Variants in BMPER observed in about 807,000 individuals in gnomAD.
The protein encoded by BMPER is BMP binding endothelial regulator.
In BMPER, 45 loss-of-function variants were observed where a neutral mutation model predicts 87.3. That is an observed-to-expected ratio of 0.52 (90% CI 0.41 to 0.66). The LOEUF is 0.66. BMPER is among the 30% of genes least tolerant of loss of function. BMPER has a pLI of 0.00. For synonymous variants in BMPER, 326 were observed against 316.2 expected (o/e 1.03, Z -0.33); for missense variants, 784 against 867.5 (o/e 0.90, Z 1.21).
intron 6 of BMPER, among the ~76,000 whole-genome samples, chr7:34,010,231 T>C (rs1281593206): frequency 6.6e-6 from 1 of 151,916 alleles, no homozygotes; most frequent in African/African-American, 2.4e-5. Flanking sequence ...AAGTCTTTTC[T>C]GGTCACCCTA....
chr7:34,153,287 C>T lies in BMPER; in HGVS notation c.*14C>T, dbSNP rs1201074977. The T allele has an allele frequency of 6.2e-7, 1 of 1,613,548 alleles. No homozygotes were observed. Reference sequence around the variant, plus strand: ...CCCCAGCGGTGACCTTTGTTTCGATCCTTAAGACTCTGAAATCTGGTGACT... The same window carrying T: ...CCCCAGCGGTGACCTTTGTTTCGATTCTTAAGACTCTGAAATCTGGTGACT... On this transcript the variant is annotated 3_prime_UTR_variant, in exon 15 of 15. Coordinates refer to ENST00000649409, the MANE Select transcript of BMPER (RefSeq NM_001365308.1).
chr7:33,908,971 A>G (rs1177412850), intron 2 of BMPER, among the ~76,000 whole-genome samples: 2 of 152,228 alleles, frequency 1.3e-5, no homozygotes, highest in Admixed American at 1.3e-4. Flanking sequence ...ACTGCAGTTC[A>G]TGGATTTCAA....
At chr7:34,050,964 T>C (rs1268281929) in intron 7 of BMPER, among the ~76,000 whole-genome samples, 1 of 152,212 alleles carries the variant, frequency 6.6e-6, no homozygotes, top group Admixed American at 6.5e-5. Context: ...AAATGCTATC[T>C]TAGTCTGTTT....
chr7:34,051,918 A>G lies in BMPER; in HGVS notation c.734A>G (p.Tyr245Cys). The G allele has an allele frequency of 6.2e-7, 1 of 1,614,040 alleles. No homozygotes were observed. Among genetic ancestry groups the G allele is most frequent in the Non-Finnish European group, 8.5e-7 (1 of 1,179,896 alleles). Reference sequence around the variant, plus strand: ...AGCTGCCTCTTTCGAAGTGATGTTTATGACAATGGATCCTCATTTCTGTAC... The same window carrying G: ...AGCTGCCTCTTTCGAAGTGATGTTTGTGACAATGGATCCTCATTTCTGTAC... The part of the protein sequence containing the change: ...FGSCLFRSDV[Y>C]DNGSSFLYDN... Residue 245 changes from tyrosine (Y) to cysteine (C), a missense_variant, in exon 8 of 15, where the codon TAT becomes TGT. By Grantham distance (194) the Tyr-to-Cys change is radical. Coordinates refer to ENST00000649409, the MANE Select transcript of BMPER (RefSeq NM_001365308.1).
intron 11 of BMPER, among the ~76,000 whole-genome samples, chr7:34,063,040 A>G (rs1788482028): frequency 6.6e-6 from 1 of 152,198 alleles, no homozygotes; most frequent in Admixed American, 6.5e-5. Flanking sequence ...GCCTAGATCT[A>G]TTAGCAAACT....
chr7:34,069,266 C>T (rs748865747), intron 11 of BMPER, among the ~76,000 whole-genome samples: 2 of 152,110 alleles, frequency 1.3e-5, no homozygotes, highest in Non-Finnish European at 2.9e-5. Flanking sequence ...TTAAAAAATA[C>T]ACTTGGTGGG....
At chr7:34,086,454 G>A (rs768133757) in intron 13 of BMPER, among the ~76,000 whole-genome samples, 1 of 152,190 alleles carries the variant, frequency 6.6e-6, no homozygotes, top group Non-Finnish European at 1.5e-5. Flanking sequence ...GGCAGAGCTG[G>A]TTCCCCTAAA....
intron 3 of BMPER, among the ~76,000 whole-genome samples, chr7:33,946,920 G>A (rs763424170): frequency 6.6e-6 from 1 of 152,186 alleles, no homozygotes; most frequent in Non-Finnish European, 1.5e-5. Flanking sequence ...CCACGGGCCA[G>A]GTATTTATAG....
chr7:34,068,771 T>G (rs1788661013), intron 11 of BMPER, among the ~76,000 whole-genome samples: 3 of 152,210 alleles, frequency 2.0e-5, no homozygotes, highest in Non-Finnish European at 4.4e-5. Flanking sequence ...TTGCCCTGCC[T>G]TTGGAGCTCA....
intron 2 of BMPER, among the ~76,000 whole-genome samples, chr7:33,933,345 A>T (rs556444497): frequency 1.3e-5 from 2 of 152,230 alleles, no homozygotes; most frequent in African/African-American, 4.8e-5. Context: ...CTTTGACAGC[A>T]GGTAGACCAC....
intron 2 of BMPER, among the ~76,000 whole-genome samples, chr7:33,927,158 T>C (rs1479315095): frequency 1.3e-5 from 2 of 152,274 alleles, no homozygotes; most frequent in Admixed American, 1.3e-4. Flanking sequence ...ATCCCATGGA[T>C]GTCAGCTCCA....
chr7:34,019,960 T>A (rs1787136387), intron 6 of BMPER, among the ~76,000 whole-genome samples: 4 of 151,384 alleles, frequency 2.6e-5, no homozygotes. Flanking sequence ...TTTTTTTTTT[T>A]TTTTTTTCCC....
intron 2 of BMPER, among the ~76,000 whole-genome samples, chr7:33,914,844 C>T (rs182436729): frequency 2.6e-5 from 4 of 152,190 alleles, no homozygotes; most frequent in East Asian, 1.9e-4. Flanking sequence ...AGGCAGAAGA[C>T]GTTTGAAGAA....
chr7:34,155,340 A>T lies in BMPER; in HGVS notation c.*2067A>T, dbSNP rs879563289. 1.9e-4 allele frequency: 29 copies of T among 152,260 alleles called. No homozygotes were observed. The highest frequency in any genetic ancestry group is 3.4e-3 in the Middle Eastern group (1 of 294). The allele number at this position is 152,260 out of a possible 1,614,324, so 9.4% of individuals were successfully genotyped here. A position where few individuals can be genotyped will look rare whatever the true frequency, so the allele number is the denominator to read the frequency against. ...GCATAAGGGAAATGATGGAGAAGGG[A>T]GAATTGTGGATGGTTATTTATAGCT... On this transcript the variant is annotated 3_prime_UTR_variant, in exon 15 of 15. Coordinates refer to ENST00000649409, the MANE Select transcript of BMPER (RefSeq NM_001365308.1).
At chr7:34,075,708 T>C (rs1788847043) in intron 11 of BMPER, among the ~76,000 whole-genome samples, 1 of 152,198 alleles carries the variant, frequency 6.6e-6, no homozygotes, top group South Asian at 2.1e-4. Context: ...TCTGGACGTG[T>C]TGGACTGAAG....
intron 6 of BMPER, among the ~76,000 whole-genome samples, chr7:33,994,319 G>C (rs967408411): frequency 6.6e-6 from 1 of 152,198 alleles, no homozygotes; most frequent in African/African-American, 2.4e-5. Context: ...ATATAATCTC[G>C]TGATGCGCTG....
At chr7:34,069,116 G>A (rs1028864396) in intron 11 of BMPER, among the ~76,000 whole-genome samples, 1 of 152,202 alleles carries the variant, frequency 6.6e-6, no homozygotes, top group Non-Finnish European at 1.5e-5. Context: ...AGCCAAGGCT[G>A]CCATGTTGAA....
rs182796247 is a variant in BMPER, at chr7:34,097,501, A to G, written c.1745+11409A>G. ...AGGACTCTTCATTTGCTCATCATTC[A>G]TTTATTTCTCAAGTAGTTTGTTATA... On this transcript the variant is annotated intron_variant, in intron 13 of 14. Coordinates refer to ENST00000649409, the MANE Select transcript of BMPER (RefSeq NM_001365308.1). Among the ~76,000 whole-genome samples the G allele has an allele frequency of 2.2e-3, 341 of 152,274 alleles. 1 individual carries two copies. The highest frequency in any genetic ancestry group is 7.7e-3 in the African/African-American group (318 of 41,540).
chr7:33,987,901 AAGG>A (rs767436571), intron 6 of BMPER, among the ~76,000 whole-genome samples: 7 of 152,226 alleles, frequency 4.6e-5, no homozygotes, highest in African/African-American at 9.6e-5. Flanking sequence ...CTTTAGGCAA[AAGG>A]AGGAGGTACC....
Sources: allele counts gnomAD v4.1 joint callset (sites outside exome capture counted in the v4.1 genomes callset), GRCh38; gene constraint gnomAD v4.1.1; transcripts MANE v1.5; gene names NCBI Gene and HGNC (gene_info 2026-07-23, HGNC 2026-07-21).